INIP: variants seen among roughly 807,000 people sequenced by gnomAD.
INIP encodes the protein INTS3 and NABP interacting protein.
Under a neutral mutation model 14.0 loss-of-function variants are expected in INIP, and 9 were observed. That is an observed-to-expected ratio of 0.64 (90% CI 0.39 to 1.12). INIP has a LOEUF of 1.12. Among genes scored for constraint, INIP ranks in the 50% most tolerant of loss-of-function variants. The pLI is 0.01. For synonymous variants in INIP, 37 were observed against 41.5 expected, an observed-to-expected ratio of 0.89 and a Z score of 0.41; for missense variants, 78 against 122.7, an observed-to-expected ratio of 0.64 and a Z score of 1.72.
intron 2 of INIP, among the ~76,000 whole-genome samples, chr9:112,704,117 C>A (rs941673104): frequency 6.6e-6 from 1 of 151,892 alleles, no homozygotes; most frequent in Non-Finnish European, 1.5e-5. Context: ...GAATTGTGTG[C>A]GACTAAGCCA....
chr9:112,687,030 T>C lies in INIP; in HGVS notation c.*508A>G, dbSNP rs1837696712. 1 of 152,330 alleles carries C rather than the reference T, an allele frequency of 6.6e-6. No homozygotes were observed. Among genetic ancestry groups the C allele is most frequent in the African/African-American group, 2.4e-5 (1 of 41,466 alleles). 9.4% of individuals were successfully genotyped at this position (152,330 alleles called of 1,614,324 possible). A position where few individuals can be genotyped will look rare whatever the true frequency, so the allele number is the denominator to read the frequency against. On this transcript the variant is annotated 3_prime_UTR_variant, in exon 5 of 5. Coordinates refer to ENST00000374242, the MANE Select transcript of INIP (RefSeq NM_021218.3). Reference sequence around the variant, plus strand: ...AAAGTGAAAAAGGGGGAAGTAGTTATAAGTCCAGAAAGAATATTTCAGGAT... The same window carrying C: ...AAAGTGAAAAAGGGGGAAGTAGTTACAAGTCCAGAAAGAATATTTCAGGAT...
At chr9:112,703,213 A>C (rs915881005) in intron 2 of INIP, among the ~76,000 whole-genome samples, 3 of 152,194 alleles carry the variant, frequency 2.0e-5, no homozygotes, top group Non-Finnish European at 1.5e-5. Context: ...CCAATATGAT[A>C]GTGTTCATGG....
chr9:112,700,538 T>TATATA lies in INIP; in HGVS notation c.26-6306_26-6305insTATAT, dbSNP rs112196431. Among the ~76,000 whole-genome samples, 477 of 122,168 alleles carry TATATA rather than the reference T, an allele frequency of 3.9e-3. 4 individuals carry two copies. Among genetic ancestry groups the TATATA allele is most frequent in the African/African-American group, 0.016 (438 of 27,426 alleles). The allele number at this position is 122,168 out of a possible 152,430, so 80.1% of individuals were successfully genotyped here. On this transcript the variant is annotated intron_variant, in intron 2 of 4. Coordinates refer to ENST00000374242, the MANE Select transcript of INIP (RefSeq NM_021218.3). ...TAGGTATATATAATATATATATATA[T>TATATA]TATATATACCTAATTATATTATATA...
chr9:112,710,247 T>C (rs899973871), intron 2 of INIP, among the ~76,000 whole-genome samples: 1 of 152,212 alleles, frequency 6.6e-6, no homozygotes, highest in Admixed American at 6.5e-5. Flanking sequence ...TGAGAGCACC[T>C]GGACTGGCCC....
chr9:112,710,444 C>T (rs1838612503), intron 2 of INIP, among the ~76,000 whole-genome samples: 1 of 152,174 alleles, frequency 6.6e-6, no homozygotes, highest in Non-Finnish European at 1.5e-5. Context: ...TTGATATTTA[C>T]CAATAATGAA....
intron 2 of INIP, among the ~76,000 whole-genome samples, chr9:112,701,053 C>T (rs1838281294): frequency 6.6e-6 from 1 of 152,190 alleles, no homozygotes; most frequent in Non-Finnish European, 1.5e-5. Flanking sequence ...TGGCCAGGAA[C>T]GGTGGCTCAT....
intron 2 of INIP, among the ~76,000 whole-genome samples, chr9:112,713,789 G>A (rs564678916): frequency 6.0e-4 from 91 of 152,196 alleles, no homozygotes; most frequent in African/African-American, 2.1e-3. Flanking sequence ...TCAGGAGTTC[G>A]AGACCAGACT....
At chr9:112,689,646 G>C (rs749233274) in intron 3 of INIP, 29 bp from the exon 4 acceptor site, 1 of 1,546,702 alleles carries the variant, frequency 6.5e-7, no homozygotes, top group Non-Finnish European at 8.9e-7. Context: ...TTACTCAGCT[G>C]CTTAAGGCAG....
At chr9:112,694,305 A>G in intron 2 of INIP, 72 bp from the exon 3 acceptor site, 1 of 882,698 alleles carries the variant, frequency 1.1e-6, no homozygotes, top group Admixed American at 2.2e-5. Flanking sequence ...ACCTATTTTT[A>G]TAACCTAAGT....
chr9:112,694,521 T>G (rs1292331056), intron 2 of INIP, among the ~76,000 whole-genome samples: 1 of 152,206 alleles, frequency 6.6e-6, no homozygotes, highest in Non-Finnish European at 1.5e-5. Flanking sequence ...TTCTACAGAA[T>G]TTTAATCACC....
intron 1 of INIP, among the ~76,000 whole-genome samples, chr9:112,716,918 G>A (rs904550577): frequency 6.7e-6 from 1 of 150,226 alleles, no homozygotes; most frequent in African/African-American, 2.5e-5. Flanking sequence ...TCGCGCCACT[G>A]CACTCCAGTT....
chr9:112,705,563 G>A (rs1482981254), intron 2 of INIP, among the ~76,000 whole-genome samples: 3 of 152,000 alleles, frequency 2.0e-5, no homozygotes, highest in Admixed American at 6.6e-5. Context: ...CTCCCACTTT[G>A]GCCTCCCAAA....
chr9:112,691,068 C>A (rs1837868827), intron 3 of INIP, among the ~76,000 whole-genome samples: 1 of 152,194 alleles, frequency 6.6e-6, no homozygotes, highest in African/African-American at 2.4e-5. Context: ...CCGATTAAAG[C>A]TTGCTAAATG....
intron 2 of INIP, among the ~76,000 whole-genome samples, chr9:112,694,921 G>A (rs1838021472): frequency 1.3e-5 from 2 of 152,306 alleles, no homozygotes; most frequent in South Asian, 2.1e-4. Context: ...ATATAGGGTA[G>A]AGGTTGCCAA....
At chr9:112,714,886 A>C (rs1394073214) in intron 2 of INIP, among the ~76,000 whole-genome samples, 3 of 152,130 alleles carry the variant, frequency 2.0e-5, no homozygotes, top group African/African-American at 7.2e-5. Context: ...AGCCTACTAC[A>C]CAACCTAGGC....
At chr9:112,689,322 G>A (rs761002734) in intron 4 of INIP, among the ~76,000 whole-genome samples, 99 of 152,028 alleles carry the variant, frequency 6.5e-4, no homozygotes, top group Non-Finnish European at 1.1e-3. Context: ...AATCATGACC[G>A]AGTCAACACC....
At chr9:112,698,026 T>C (rs1487531429) in intron 2 of INIP, among the ~76,000 whole-genome samples, 1 of 152,094 alleles carries the variant, frequency 6.6e-6, no homozygotes, top group Non-Finnish European at 1.5e-5. Context: ...TAAAGTAGGC[T>C]GGGCGCGGTG....
chr9:112,684,335 A>G lies in INIP; in HGVS notation c.*3203T>C, dbSNP rs1169005510. The G allele has an allele frequency of 6.6e-6, 1 of 152,088 alleles. No individual in the cohort carries two copies. Among genetic ancestry groups the G allele is most frequent in the Non-Finnish European group, 1.5e-5 (1 of 68,052 alleles). The allele number at this position is 152,088 out of a possible 1,614,324, so 9.4% of individuals were successfully genotyped here. On this transcript the variant is annotated 3_prime_UTR_variant, in exon 5 of 5. Coordinates refer to ENST00000374242, the MANE Select transcript of INIP (RefSeq NM_021218.3). ...AGGATCGAGAGGACTGCTTGAGGCC[A>G]AGAGTTCAAGACCAGCCTGGGCAAC...
intron 2 of INIP, among the ~76,000 whole-genome samples, chr9:112,698,303 C>CA (rs755265359): frequency 0.2 from 8,828 of 43,470 alleles, 1,409 homozygotes; most frequent in Non-Finnish European, 0.26. Context: ...GACTCTGTCT[C>CA]AAAAAAAAAA....
Sources: gnomAD v4.1 joint callset for allele counts (sites outside exome capture counted in the v4.1 genomes callset) on GRCh38, gnomAD v4.1.1 for gene constraint, MANE v1.5 for transcripts, NCBI Gene and HGNC (gene_info 2026-07-23, HGNC 2026-07-21) for gene names.